GLCCI1: variants seen among roughly 807,000 people sequenced by gnomAD.
GLCCI1 encodes glucocorticoid-induced transcript 1 protein.
GLCCI1 carries 24 observed loss-of-function variants against 52.2 expected under a neutral mutation model. The ratio of observed to expected loss-of-function variants is 0.46; its 90% CI spans 0.33 to 0.65. The LOEUF (loss-of-function observed/expected upper bound fraction) is 0.65. GLCCI1 is among the 30% of genes least tolerant of loss of function. GLCCI1 has a pLI of 0.02. For missense variants in GLCCI1, 704 were observed against 701.5 expected (o/e 1.00, Z -0.04); for synonymous variants, 310 against 276.5 (o/e 1.12, Z -1.20).
intron 6 of GLCCI1, among the ~76,000 whole-genome samples, chr7:8,083,996 G>C (rs953617588): frequency 1.3e-5 from 2 of 152,174 alleles, no homozygotes; most frequent in African/African-American, 4.8e-5. Context: ...CATTTCAATA[G>C]ATCATGTGCT....
intron 5 of GLCCI1, among the ~76,000 whole-genome samples, chr7:8,068,796 A>G (rs74499978): frequency 0.03 from 4,512 of 152,290 alleles, 210 homozygotes; most frequent in African/African-American, 0.095. Flanking sequence ...TAATTTGTAC[A>G]GTCGGTTGAC....
In GLCCI1 at chr7:7,999,557, C is replaced by T. The variant is rs538289161; in HGVS notation, c.458-4351C>T. ...AGGAGTTCCAGGCTGCAGTGAGCTA[C>T]GATCACGCCGGTACACTCCAGCCTG... On this transcript the variant is annotated intron_variant, in intron 1 of 7. Transcript: ENST00000223145. 4.0e-5 allele frequency among the ~76,000 whole-genome samples: 6 copies of T among 151,708 alleles called. No individual in the cohort carries two copies. In the South Asian group the frequency reaches 6.3e-4, roughly 16 times the overall value.
At chr7:8,044,596 C>A (rs1358526895) in intron 3 of GLCCI1, among the ~76,000 whole-genome samples, 1 of 152,136 alleles carries the variant, frequency 6.6e-6, no homozygotes, top group African/African-American at 2.4e-5. Context: ...GTCTCAATCT[C>A]CTGGGCTCAA....
At chr7:8,008,211 C>G (rs1781195489) in intron 2 of GLCCI1, among the ~76,000 whole-genome samples, 1 of 151,892 alleles carries the variant, frequency 6.6e-6, no homozygotes, top group African/African-American at 2.4e-5. Context: ...GTCCTTTGAC[C>G]AGCATCTCCC....
At chr7:8,072,259 T>A (rs1352944854) in intron 6 of GLCCI1, among the ~76,000 whole-genome samples, 3 of 152,222 alleles carry the variant, frequency 2.0e-5, no homozygotes, top group Non-Finnish European at 2.9e-5. Context: ...GTCTGACTTC[T>A]TTTACTTATC....
intron 3 of GLCCI1, among the ~76,000 whole-genome samples, chr7:8,032,565 T>G (rs896423704): frequency 1.3e-5 from 2 of 152,042 alleles, no homozygotes; most frequent in African/African-American, 4.8e-5. Flanking sequence ...GTGACATTAC[T>G]ACCAACTGTA....
chr7:8,035,370 G>C (rs950125069), intron 3 of GLCCI1, among the ~76,000 whole-genome samples: 1 of 152,208 alleles, frequency 6.6e-6, no homozygotes. Flanking sequence ...GTGGAGAAGG[G>C]ATATCTCTCC....
At chr7:8,019,528 C>T (rs1199021091) in intron 2 of GLCCI1, among the ~76,000 whole-genome samples, 8 of 151,976 alleles carry the variant, frequency 5.3e-5, no homozygotes, top group East Asian at 1.9e-4. Flanking sequence ...CTCTTTCAGT[C>T]GTTTTTCTTT....
At chr7:8,022,638 T>A in intron 3 of GLCCI1, 69 bp downstream of exon 3, 1 of 876,626 alleles carries the variant, frequency 1.1e-6, no homozygotes, top group Non-Finnish European at 1.7e-6. Context: ...ATTTCCTGAA[T>A]GTAATGACAC....
intron 4 of GLCCI1, 71 bp from the exon 5 acceptor site, chr7:8,060,021 ATATT>A: frequency 1.7e-6 from 2 of 1,205,392 alleles, no homozygotes; most frequent in Non-Finnish European, 2.3e-6. Context: ...TTCAATTTTA[ATATT>A]TACCATACTC....
chr7:8,065,006 C>T lies in GLCCI1; in HGVS notation c.966+4758C>T, dbSNP rs532214999. On this transcript the variant is annotated intron_variant, in intron 5 of 7. Coordinates refer to ENST00000223145, the MANE Select transcript of GLCCI1 (RefSeq NM_138426.4). ...TGCTGGGATTATGAGCGTGAGCCAC[C>T]GCGCCTGGCCAGTGTGGCCATTTTA... 9.2e-5 allele frequency among the ~76,000 whole-genome samples: 14 copies of T among 152,134 alleles called. No homozygotes were observed. The East Asian group carries it at 9.6e-4, about 10-fold the overall frequency.
intron 3 of GLCCI1, among the ~76,000 whole-genome samples, chr7:8,032,254 G>A (rs1781769815): frequency 2.0e-5 from 3 of 152,140 alleles, no homozygotes; most frequent in African/African-American, 7.2e-5. Flanking sequence ...TATGTATGCA[G>A]CTAAAGCAGT....
At chr7:8,085,182 G>C (rs1783077748) in intron 7 of GLCCI1, among the ~76,000 whole-genome samples, 165 bp downstream of exon 7, 1 of 152,218 alleles carries the variant, frequency 6.6e-6, no homozygotes, top group South Asian at 2.1e-4. Context: ...TACTGAAGGA[G>C]AACTGGAGTC....
intron 3 of GLCCI1, among the ~76,000 whole-genome samples, chr7:8,032,882 G>A (rs981024010): frequency 4.6e-5 from 7 of 151,584 alleles, no homozygotes; most frequent in Middle Eastern, 3.4e-3. Flanking sequence ...AGAAAAGGAG[G>A]GAACACTCTC....
chr7:7,980,408 A>T (rs976160565), intron 1 of GLCCI1: 11 of 232,792 alleles, frequency 4.7e-5, no homozygotes, highest in Non-Finnish European at 8.2e-5. Context: ...GAGAGCAGGT[A>T]CCACAGTTTA....
chr7:8,008,810 G>C (rs369138744), intron 2 of GLCCI1, among the ~76,000 whole-genome samples: 4 of 152,198 alleles, frequency 2.6e-5, no homozygotes, highest in South Asian at 4.1e-4. Context: ...TTGATGGGTG[G>C]ATACCTAGAT....
At chr7:8,047,065 C>T (rs1243668729) in intron 3 of GLCCI1, among the ~76,000 whole-genome samples, 10 of 152,002 alleles carry the variant, frequency 6.6e-5, no homozygotes, top group African/African-American at 1.4e-4. Context: ...ATAATACACA[C>T]GTACACACAC....
chr7:7,969,355 C>T lies in GLCCI1; in HGVS notation c.5C>T (p.Ser2Phe), dbSNP rs1459889704. The T allele has an allele frequency of 1.0e-5, 15 of 1,493,972 alleles. No individual in the cohort carries two copies. Among genetic ancestry groups the T allele is most frequent in the East Asian group, 2.8e-5 (1 of 35,940 alleles). 92.5% of individuals were successfully genotyped at this position (1,493,972 alleles called of 1,614,324 possible). Residue 2 changes from serine (S) to phenylalanine (F), a missense_variant, in exon 1 of 8, where the codon TCC (serine) becomes TTC (phenylalanine). Physicochemically the swap from Ser to Phe is radical, Grantham distance 155. This residue lies in a region of GLCCI1 where 547 missense variants were observed against 524.8 expected (regional missense o/e 1.04). Coordinates refer to ENST00000223145, the MANE Select transcript of GLCCI1 (RefSeq NM_138426.4). This position sits in a 1 kb window ranked among gnomAD's most constrained non-coding sequence, Gnocchi z 4.9. ...TCCAGGGCCCGCAGAGCCACCATGT[C>T]CACTGCCTCCTCCTCCTCCTCCTCC... M[S>F]TASSSSSSSS...
chr7:8,051,287 T>C (rs571668864), intron 3 of GLCCI1, among the ~76,000 whole-genome samples: 32 of 152,352 alleles, frequency 2.1e-4, no homozygotes, highest in African/African-American at 7.7e-4. Flanking sequence ...AGGTCTTCTA[T>C]TTTCCGGTAG....
Sources: gnomAD v4.1 joint callset for allele counts (sites outside exome capture counted in the v4.1 genomes callset) on GRCh38, gnomAD v4.1.1 for gene constraint, gnomAD v4.1.1 regional missense constraint, Gnocchi (gnomAD v3.1) non-coding constraint, MANE v1.5 for transcripts, NCBI Gene and HGNC (gene_info 2026-07-23, HGNC 2026-07-21) for gene names.